The following NAV3 variants were observed in gnomAD, a reference collection of about 807,000 sequenced individuals.
The protein encoded by NAV3 is pore membrane and/or filament interacting like protein 1.
NAV3 carries 87 observed loss-of-function variants against 244.7 expected under a neutral mutation model. That is an observed-to-expected ratio of 0.36 (90% CI 0.30 to 0.42). The LOEUF (loss-of-function observed/expected upper bound fraction) is 0.42. Among genes scored for constraint, NAV3 ranks in the 20% least tolerant of loss-of-function variants. The pLI, the probability that NAV3 is intolerant of heterozygous loss-of-function variation, is 1.00. For synonymous variants in NAV3, 1,126 were observed against 1,042.2 expected (o/e 1.08, Z -1.55); for missense variants, 2,663 against 2,893.3 (o/e 0.92, Z 1.83).
At chr12:78,169,907 T>C (rs1957934372) in intron 24 of NAV3, among the ~76,000 whole-genome samples, 1 of 151,830 alleles carries the variant, frequency 6.6e-6, no homozygotes, top group African/African-American at 2.4e-5. Flanking sequence ...TTGGTTTTTC[T>C]TCTGTTCCTT....
At chr12:78,064,554 T>TG (rs1884775088) in intron 12 of NAV3, among the ~76,000 whole-genome samples, 9 of 152,198 alleles carry the variant, frequency 5.9e-5, no homozygotes, top group African/African-American at 2.2e-4. Flanking sequence ...CCCTTATGTA[T>TG]TAATTTAACC....
intron 2 of NAV3, among the ~76,000 whole-genome samples, chr12:77,785,294 CT>C (rs1351483374): frequency 6.6e-6 from 1 of 152,120 alleles, no homozygotes. Flanking sequence ...TGTGTTTCCT[CT>C]GTCTGTCCTG....
intron 2 of NAV3, among the ~76,000 whole-genome samples, chr12:77,650,286 G>C (rs950829747): frequency 6.6e-6 from 1 of 152,134 alleles, no homozygotes; most frequent in African/African-American, 2.4e-5. Context: ...GTTTTTGAGA[G>C]GTGCAATCGG....
chr12:77,939,255 C>T (rs1889631124), intron 1 of NAV3, among the ~76,000 whole-genome samples: 2 of 152,230 alleles, frequency 1.3e-5, no homozygotes, highest in East Asian at 3.9e-4. Context: ...GTTTTTACTG[C>T]TGTGTCCTAG....
intron 2 of NAV3, among the ~76,000 whole-genome samples, chr12:77,645,466 CT>C (rs1872570055): frequency 7.0e-6 from 1 of 142,114 alleles, no homozygotes; most frequent in Non-Finnish European, 1.5e-5. Flanking sequence ...CTGGGGAAGC[CT>C]TTAAGTCAAG....
intron 5 of NAV3, among the ~76,000 whole-genome samples, chr12:77,982,412 A>G (rs1338748643): frequency 6.6e-6 from 1 of 152,122 alleles, no homozygotes; most frequent in Non-Finnish European, 1.5e-5. Context: ...AATCTTATAG[A>G]GTACCTAAAT....
intron 2 of NAV3, among the ~76,000 whole-genome samples, chr12:77,685,710 A>G (rs1343019212): frequency 6.6e-6 from 1 of 152,150 alleles, no homozygotes; most frequent in African/African-American, 2.4e-5. Flanking sequence ...AACCCATTTC[A>G]AACCTCATTA....
At position 78,104,471 on chromosome 12, in the gene NAV3, C is replaced by T. The variant is rs193200162; in HGVS notation, c.2637-12301C>T. Among the ~76,000 whole-genome samples the T allele has an allele frequency of 5.4e-3, 817 of 152,264 alleles. 1 individual carries two copies. The highest frequency in any genetic ancestry group is 0.024 in the Middle Eastern group (7 of 294). On this transcript the variant is annotated intron_variant, in intron 12 of 39. Transcript: ENST00000397909. The stretch of plus-strand genomic sequence containing the variant: ...CTTGAATGTATAACACATTTGTTTT[C>T]AAACAAGCCTGCCTCTAACTGTGAA...
At chr12:78,069,290 C>G (rs1952633476) in intron 12 of NAV3, among the ~76,000 whole-genome samples, 1 of 151,726 alleles carries the variant, frequency 6.6e-6, no homozygotes, top group East Asian at 1.9e-4. Context: ...AAATTATTTT[C>G]TAAACTAAAT....
At chr12:77,654,891 T>G (rs900594076) in intron 2 of NAV3, among the ~76,000 whole-genome samples, 6 of 148,324 alleles carry the variant, frequency 4.0e-5, no homozygotes, top group African/African-American at 1.5e-4. Flanking sequence ...GACCTGCAGC[T>G]GAGGGTCCTG....
At chr12:77,642,200 C>G (rs909637385) in intron 2 of NAV3, among the ~76,000 whole-genome samples, 1 of 152,066 alleles carries the variant, frequency 6.6e-6, no homozygotes, top group Non-Finnish European at 1.5e-5. Context: ...GATGGTGTTT[C>G]CAGTAAACAA....
intron 12 of NAV3, among the ~76,000 whole-genome samples, chr12:78,064,430 C>CTGTCTGTCTGTCTGT (rs1566082262): frequency 6.4e-4 from 60 of 93,350 alleles, no homozygotes; most frequent in African/African-American, 2.6e-3. Context: ...TGTCTGTCTG[C>CTGTCTGTCTGTCTGT]CTGCCTGCCT....
chr12:77,751,758 G>A (rs1868868743), intron 2 of NAV3, among the ~76,000 whole-genome samples: 1 of 152,144 alleles, frequency 6.6e-6, no homozygotes, highest in South Asian at 2.1e-4. Flanking sequence ...ATATCAATGT[G>A]AGCATATACA....
rs139716724 is a variant in NAV3 at position 77,863,976 on chromosome 12, A to G, written c.243+32272A>G. Among the ~76,000 whole-genome samples the G allele has an allele frequency of 1.4e-3, 220 of 152,034 alleles. 2 individuals are homozygous for G. The highest frequency in any genetic ancestry group is 5.0e-3 in the African/African-American group (207 of 41,558). ...AGACATCTCCAATTTCTCAAACACT[A>G]TATTTTATCTCAGCTGCAACTGTAA... is the stretch of plus-strand genomic sequence containing the variant. On this transcript the variant is annotated intron_variant, in intron 1 of 39. Coordinates refer to ENST00000397909, the MANE Select transcript of NAV3 (RefSeq NM_001024383.2).
rs565825933 is a variant in NAV3, at chr12:78,015,046, G to A, written c.1908-6701G>A. On this transcript the variant is annotated intron_variant, in intron 8 of 39. Transcript: ENST00000397909. Reference sequence around the variant, plus strand: ...GCACTTTTGTGTAGAATACTACCACGAGTCGGCATTTTCCCAGCAGAGCCA... The same window carrying A: ...GCACTTTTGTGTAGAATACTACCACAAGTCGGCATTTTCCCAGCAGAGCCA... 1.7e-4 allele frequency among the ~76,000 whole-genome samples: 26 copies of A among 152,170 alleles called. No individual in the cohort carries two copies. The South Asian group carries it at 3.3e-3, about 19-fold the overall frequency.
At chr12:78,142,368 T>C (rs1364583889) in intron 20 of NAV3, among the ~76,000 whole-genome samples, 1 of 151,992 alleles carries the variant, frequency 6.6e-6, no homozygotes, top group East Asian at 1.9e-4. Flanking sequence ...AAAAGTGTTC[T>C]GTATCTACAC....
intron 15 of NAV3, among the ~76,000 whole-genome samples, chr12:78,121,398 A>G (rs1264023112): frequency 2.6e-5 from 4 of 152,152 alleles, no homozygotes; most frequent in Admixed American, 1.3e-4. Context: ...CAATGTCAAT[A>G]TTGTTTCCAA....
intron 2 of NAV3, among the ~76,000 whole-genome samples, chr12:77,613,734 C>A (rs145281941): frequency 6.6e-6 from 1 of 152,188 alleles, no homozygotes; most frequent in East Asian, 1.9e-4. Context: ...CCACACACTG[C>A]CATTTGTTTT....
intron 38 of NAV3, among the ~76,000 whole-genome samples, chr12:78,201,272 A>G (rs80150717): frequency 8.6e-5 from 13 of 151,670 alleles, no homozygotes; most frequent in African/African-American, 2.4e-4. Context: ...TGGTCTCGCT[A>G]GGTTGCTCAG....
Sources: allele counts gnomAD v4.1 joint callset (sites outside exome capture counted in the v4.1 genomes callset), GRCh38; gene constraint gnomAD v4.1.1; transcripts MANE v1.5; gene names NCBI Gene and HGNC (gene_info 2026-07-23, HGNC 2026-07-21).